Variants in CSMD3 observed in about 807,000 individuals in gnomAD.
CSMD3 encodes CUB and Sushi multiple domains 3.
Under a neutral mutation model 435.2 loss-of-function variants are expected in CSMD3, and 177 were observed. That is an observed-to-expected ratio of 0.41 (90% CI 0.36 to 0.46). The LOEUF (loss-of-function observed/expected upper bound fraction) is 0.46, where lower values mean the gene tolerates loss of function less well. CSMD3 is among the 20% of genes least tolerant of loss of function. CSMD3 has a pLI of 0.34. For missense variants in CSMD3, 4,265 were observed against 4,504.6 expected (o/e 0.95, Z 1.52); for synonymous variants, 1,656 against 1,520.5 (o/e 1.09, Z -2.07).
chr8:113,339,574 T>C (rs1345992341), intron 1 of CSMD3, among the ~76,000 whole-genome samples: 2 of 152,036 alleles, frequency 1.3e-5, no homozygotes, highest in African/African-American at 4.8e-5. Context: ...TTGGTGAATT[T>C]CTAGTGTAAA....
Position 112,244,489 on chromosome 8 carries a change from T to C in CSMD3, c.10307A>G (p.Tyr3436Cys), listed in dbSNP as rs754532783. Residue 3436 changes from tyrosine to cysteine, a missense_variant, in exon 65 of 71, where the codon TAT becomes TGT. Around this residue, in one of 3 missense-constraint regions of CSMD3, gnomAD observed 3,255 missense variants for 3,380.2 expected, o/e 0.96. Transcript: ENST00000297405. ...DLPSHGYTLIYTCQPGFFLAG... is the reference protein window; with the variant it reads ...DLPSHGYTLICTCQPGFFLAG... ...TAAGAAGAAGCCAGGCTGACAGGTA[T>C]AAATCAGTGTATACCCATGAGATGG... 5 of 1,613,834 alleles carry C rather than the reference T, an allele frequency of 3.1e-6. No individual in the cohort carries two copies. Among genetic ancestry groups the C allele is most frequent in the Non-Finnish European group, 2.5e-6 (3 of 1,179,764 alleles).
intron 22 of CSMD3, among the ~76,000 whole-genome samples, chr8:112,634,255 A>T (rs2131569814): frequency 6.6e-6 from 1 of 152,170 alleles, no homozygotes; most frequent in East Asian, 1.9e-4. Context: ...AAAAAAAACA[A>T]AATAAGAAAT....
chr8:112,531,365 G>A (rs1825519280), intron 27 of CSMD3, among the ~76,000 whole-genome samples: 1 of 152,114 alleles, frequency 6.6e-6, no homozygotes, highest in Admixed American at 6.5e-5. Context: ...ATAAACATCA[G>A]CAGCAGTCAG....
intron 12 of CSMD3, among the ~76,000 whole-genome samples, chr8:112,822,868 C>T (rs2079565392): frequency 6.6e-6 from 1 of 152,042 alleles, no homozygotes; most frequent in Non-Finnish European, 1.5e-5. Flanking sequence ...GTATTGAAGG[C>T]CTTTTCTGCA....
At chr8:113,162,422 G>A (rs1428276109) in intron 4 of CSMD3, among the ~76,000 whole-genome samples, 1 of 151,690 alleles carries the variant, frequency 6.6e-6, no homozygotes, top group Non-Finnish European at 1.5e-5. Context: ...AAAATTAGCT[G>A]TGCATGGTGG....
chr8:112,991,972 A>C (rs1022177704), intron 6 of CSMD3, among the ~76,000 whole-genome samples: 2 of 151,854 alleles, frequency 1.3e-5, no homozygotes, highest in Admixed American at 6.6e-5. Flanking sequence ...GGAAGTTGAT[A>C]TTTTAGTGAG....
chr8:112,823,666 T>C (rs899927436), intron 12 of CSMD3, among the ~76,000 whole-genome samples: 2 of 152,198 alleles, frequency 1.3e-5, no homozygotes, highest in African/African-American at 4.8e-5. Context: ...TCTAATTTGA[T>C]TGCACTTTGG....
At chr8:112,777,058 A>C (rs1357366656) in intron 13 of CSMD3, among the ~76,000 whole-genome samples, 3 of 151,718 alleles carry the variant, frequency 2.0e-5, no homozygotes, top group African/African-American at 7.2e-5. Flanking sequence ...TTTAAGCTGT[A>C]TTTCTGGAGG....
At chr8:112,362,689 AT>A (rs1554653892) in intron 38 of CSMD3, among the ~76,000 whole-genome samples, 1 of 50,626 alleles carries the variant, frequency 2.0e-5, no homozygotes. Context: ...GATTTGACAG[AT>A]GATGATTAGA....
chr8:112,594,203 TG>T (rs1831463185), intron 22 of CSMD3, among the ~76,000 whole-genome samples: 1 of 152,134 alleles, frequency 6.6e-6, no homozygotes, highest in Non-Finnish European at 1.5e-5. Flanking sequence ...TTGCCTCACT[TG>T]GGAAGCCCAA....
At chr8:112,873,728 A>G (rs1005560115) in intron 10 of CSMD3, among the ~76,000 whole-genome samples, 1 of 152,054 alleles carries the variant, frequency 6.6e-6, no homozygotes, top group Non-Finnish European at 1.5e-5. Context: ...CTCTGATGGT[A>G]GTTTGTATTT....
At chr8:112,877,264 A>G (rs1587549724) in intron 10 of CSMD3, among the ~76,000 whole-genome samples, 1 of 151,196 alleles carries the variant, frequency 6.6e-6, no homozygotes, top group African/African-American at 2.4e-5. Context: ...ACTACTTTAA[A>G]TTTCTTTTTT....
chr8:112,507,679 T>C (rs1256248811), intron 28 of CSMD3, among the ~76,000 whole-genome samples: 2 of 152,168 alleles, frequency 1.3e-5, no homozygotes. Flanking sequence ...AATTTTTTTG[T>C]CCTATAAAAC....
chr8:112,598,907 A>G (rs1176617386), intron 22 of CSMD3, among the ~76,000 whole-genome samples: 1 of 151,986 alleles, frequency 6.6e-6, no homozygotes, highest in Non-Finnish European at 1.5e-5. Flanking sequence ...ACCTAAAACC[A>G]TAAAAACCCT....
At chr8:112,824,909 G>C (rs935250855) in intron 12 of CSMD3, among the ~76,000 whole-genome samples, 2 of 152,102 alleles carry the variant, frequency 1.3e-5, no homozygotes, top group African/African-American at 4.8e-5. Context: ...TTTCCAACTT[G>C]GTTCCATTCT....
chr8:112,412,304 G>A lies in CSMD3; in HGVS notation c.5396-3272C>T, dbSNP rs1329209820. Among the ~76,000 whole-genome samples, 3 of 151,946 alleles carry A rather than the reference G, an allele frequency of 2.0e-5. No individual in the cohort carries two copies. The East Asian group carries it at 5.8e-4, about 29-fold the overall frequency. ...GGGTAGAACACCCTTTTATTTCTAG[G>A]ACTACAATTAACCCCAAGTCTGTGC... On this transcript the variant is annotated intron_variant, in intron 32 of 70. Transcript: ENST00000297405.
chr8:113,296,397 T>C (rs1380480979), intron 2 of CSMD3, among the ~76,000 whole-genome samples: 1 of 151,908 alleles, frequency 6.6e-6, no homozygotes, highest in Non-Finnish European at 1.5e-5. Context: ...CACATGCCTG[T>C]AGTCCCAGCT....
chr8:113,313,787 A>T (rs2093888600), intron 2 of CSMD3: 1 of 152,212 alleles, frequency 6.6e-6, no homozygotes, highest in Non-Finnish European at 1.5e-5. Context: ...GCACTTAAAG[A>T]AAAGTATACA....
Position 112,586,961 on chromosome 8 carries a change from A to G in CSMD3, c.3885+105T>C, listed in dbSNP as rs112497080. ...GAATGGTAGAATCAACTTACGGTTA[A>G]TACTATATACATACACATATATATA... On this transcript the variant is annotated intron_variant, in intron 23 of 70. Coordinates refer to ENST00000297405, the MANE Select transcript of CSMD3 (RefSeq NM_198123.2). 425 of 712,346 alleles carry G rather than the reference A, an allele frequency of 6.0e-4. 5 individuals carry two copies. In the African/African-American group the frequency reaches 6.7e-3, roughly 11 times the overall value. 44.1% of individuals were successfully genotyped at this position (712,346 alleles called of 1,614,324 possible).
Sources: gnomAD v4.1 joint callset for allele counts (sites outside exome capture counted in the v4.1 genomes callset) on GRCh38, gnomAD v4.1.1 for gene constraint, gnomAD v4.1.1 regional missense constraint, MANE v1.5 for transcripts, NCBI Gene and HGNC (gene_info 2026-07-23, HGNC 2026-07-21) for gene names.